CELF2: variants seen among roughly 807,000 people sequenced by gnomAD.
CELF2 encodes the protein CUG triplet repeat RNA-binding protein 2.
In CELF2, 8 loss-of-function variants were observed where a neutral mutation model predicts 62.6. The observed-to-expected ratio is 0.13, with a 90% CI of 0.07 to 0.23. The LOEUF (loss-of-function observed/expected upper bound fraction) is 0.23. Among genes scored for constraint, CELF2 ranks in the 10% least tolerant of loss-of-function variants. The pLI, the probability that CELF2 is intolerant of heterozygous loss-of-function variation, is 1.00. For missense variants in CELF2, 333 were observed against 671.0 expected (o/e 0.50, Z 5.56); for synonymous variants, 258 against 250.0 (o/e 1.03, Z -0.30).
intron 1 of CELF2, among the ~76,000 whole-genome samples, chr10:10,859,270 A>G (rs12354707): frequency 0.16 from 23,818 of 152,186 alleles, 2,112 homozygotes; most frequent in Non-Finnish European, 0.21. Context: ...GCTCAGGTTG[A>G]TCAAGATAGT....
At chr10:10,532,685 G>A in the CELF2 span, among the ~76,000 whole-genome samples, 1 of 152,126 alleles carries the variant, frequency 6.6e-6, no homozygotes, top group African/African-American at 2.4e-5. Context: ...CTTGTTAAAT[G>A]AGGATCATTA....
chr10:11,113,451 C>T (rs2055746842), intron 1 of CELF2, among the ~76,000 whole-genome samples: 1 of 152,110 alleles, frequency 6.6e-6, no homozygotes, highest in Non-Finnish European at 1.5e-5. Context: ...AATATAGAAA[C>T]ATATCAGAGG....
the CELF2 span, among the ~76,000 whole-genome samples, chr10:10,731,449 G>T: frequency 1.3e-5 from 2 of 152,012 alleles, no homozygotes; most frequent in Non-Finnish European, 2.9e-5. Flanking sequence ...TTAACAAAAA[G>T]AAATGACAAT....
chr10:10,675,447 G>A, the CELF2 span, among the ~76,000 whole-genome samples: 120 of 152,112 alleles, frequency 7.9e-4, 1 homozygote, highest in East Asian at 0.018. Flanking sequence ...AAAATGAAAG[G>A]CCTAGGTGTA....
chr10:10,597,928 A>G, the CELF2 span, among the ~76,000 whole-genome samples: 1 of 152,166 alleles, frequency 6.6e-6, no homozygotes, highest in Non-Finnish European at 1.5e-5. Flanking sequence ...ATACATAAAT[A>G]TTACTTTTCA....
At chr10:11,024,856 C>T (rs2058882987) in intron 1 of CELF2, among the ~76,000 whole-genome samples, 2 of 152,178 alleles carry the variant, frequency 1.3e-5, no homozygotes, top group South Asian at 4.1e-4. Context: ...CACATCTTGA[C>T]ATAGCTTTTG....
At chr10:11,320,941 C>G in intron 10 of CELF2, 1 of 1,545,630 alleles carries the variant, frequency 6.5e-7, no homozygotes, top group Non-Finnish European at 8.7e-7. Context: ...GCTGTCTCGT[C>G]TAACTCGTGC....
At chr10:11,189,394 C>T (rs1427925574) in intron 2 of CELF2, among the ~76,000 whole-genome samples, 1 of 152,144 alleles carries the variant, frequency 6.6e-6, no homozygotes, top group East Asian at 1.9e-4. Context: ...TTTGAATCCA[C>T]TCCGACAAGC....
At chr10:11,261,930 C>T (rs995566090) in intron 5 of CELF2, among the ~76,000 whole-genome samples, 10 of 152,206 alleles carry the variant, frequency 6.6e-5, no homozygotes, top group South Asian at 4.1e-4. Context: ...AAAATACACA[C>T]ACTCTCACTT....
chr10:11,151,687 CTG>C (rs1413622318), intron 1 of CELF2, among the ~76,000 whole-genome samples: 1 of 151,964 alleles, frequency 6.6e-6, no homozygotes, highest in African/African-American at 2.4e-5. Flanking sequence ...AGGAATGAGG[CTG>C]TGTTTTCTGG....
At chr10:11,131,983 C>T (rs768944011) in intron 1 of CELF2, among the ~76,000 whole-genome samples, 2 of 152,194 alleles carry the variant, frequency 1.3e-5, no homozygotes, top group Non-Finnish European at 2.9e-5. Flanking sequence ...GTCCTGCATT[C>T]ATCAATAAAA....
intron 1 of CELF2, among the ~76,000 whole-genome samples, chr10:11,071,880 A>G (rs557630331): frequency 1.8e-4 from 27 of 152,224 alleles, no homozygotes; most frequent in South Asian, 8.3e-4. Context: ...TCCCGAGTCA[A>G]TGGGGTCATG....
chr10:11,078,097 G>A (rs185330391), intron 1 of CELF2, among the ~76,000 whole-genome samples: 80 of 152,122 alleles, frequency 5.3e-4, no homozygotes, highest in African/African-American at 1.7e-3. Flanking sequence ...CATCCATTTC[G>A]TTTTGAATGC....
chr10:11,041,147 C>CT (rs1488566661), intron 1 of CELF2, among the ~76,000 whole-genome samples: 9 of 152,152 alleles, frequency 5.9e-5, no homozygotes, highest in Non-Finnish European at 1.0e-4. Flanking sequence ...TTGTAGTGTC[C>CT]TTTTTTCTTC....
At chr10:10,822,046 T>G (rs2057006630) in intron 1 of CELF2, among the ~76,000 whole-genome samples, 2 of 152,206 alleles carry the variant, frequency 1.3e-5, no homozygotes, top group Admixed American at 1.3e-4. Context: ...CTACACACAA[T>G]GCAGCCACTC....
At chr10:10,727,655 A>T in the CELF2 span, among the ~76,000 whole-genome samples, 194 of 152,152 alleles carry the variant, frequency 1.3e-3, no homozygotes, top group African/African-American at 4.4e-3. Flanking sequence ...GGGCACCTGT[A>T]GTCCCAGCTA....
intron 1 of CELF2, among the ~76,000 whole-genome samples, chr10:10,809,195 T>G (rs7096885): frequency 6.6e-6 from 1 of 151,578 alleles, no homozygotes; most frequent in Non-Finnish European, 1.5e-5. Context: ...GCCTCCCTCT[T>G]TCTCTCTCTT....
intron 5 of CELF2, among the ~76,000 whole-genome samples, chr10:11,258,844 G>A (rs1263382163): frequency 2.0e-5 from 3 of 152,116 alleles, no homozygotes; most frequent in African/African-American, 4.8e-5. Context: ...ACGCTACCAC[G>A]CCTGGCCAAC....
chr10:11,201,826 A>G (rs756916025), intron 2 of CELF2, among the ~76,000 whole-genome samples: 2 of 152,232 alleles, frequency 1.3e-5, no homozygotes, highest in African/African-American at 4.8e-5. Flanking sequence ...GTTCCAGGCA[A>G]TTATCATCTT....
Sources: allele counts gnomAD v4.1 joint callset (sites outside exome capture counted in the v4.1 genomes callset), GRCh38; gene constraint gnomAD v4.1.1; transcripts MANE v1.5; gene names NCBI Gene and HGNC (gene_info 2026-07-23, HGNC 2026-07-21).